The following EPHA6 variants were observed in gnomAD, a reference collection of about 807,000 sequenced individuals.
EPHA6 encodes the protein ephrin type-A receptor 6.
Under a neutral mutation model 112.0 loss-of-function variants are expected in EPHA6, and 50 were observed. The ratio of observed to expected loss-of-function variants is 0.45; its 90% CI spans 0.36 to 0.56. The LOEUF (loss-of-function observed/expected upper bound fraction) is 0.56, where lower values mean the gene tolerates loss of function less well. EPHA6 is among the 20% of genes least tolerant of loss of function. The probability of loss-of-function intolerance (pLI) is 0.00; values close to 1 mark genes in which losing one functional copy is unlikely to be tolerated. For synonymous variants in EPHA6, 529 were observed against 490.7 expected (o/e 1.08, Z -1.03); for missense variants, 1,280 against 1,417.4 (o/e 0.90, Z 1.56).
At chr3:96,883,844 A>AT (rs1289511949) in intron 2 of EPHA6, among the ~76,000 whole-genome samples, 3 of 151,654 alleles carry the variant, frequency 2.0e-5, no homozygotes, top group Middle Eastern at 3.4e-3. Flanking sequence ...ATTTTTTTGT[A>AT]TTTTTTTGGT....
intron 10 of EPHA6, among the ~76,000 whole-genome samples, chr3:97,531,468 C>G (rs2092694144): frequency 1.3e-5 from 2 of 151,938 alleles, no homozygotes; most frequent in Admixed American, 1.3e-4. Flanking sequence ...TTGAATGTCC[C>G]TGCTTCTCTC....
At chr3:96,864,066 G>A (rs1167762834) in intron 1 of EPHA6, among the ~76,000 whole-genome samples, 1 of 151,930 alleles carries the variant, frequency 6.6e-6, no homozygotes, top group Non-Finnish European at 1.5e-5. Flanking sequence ...TAAAAAACTG[G>A]ACAAAACCAA....
At chr3:97,346,291 G>A (rs1452641998) in intron 5 of EPHA6, among the ~76,000 whole-genome samples, 2 of 152,070 alleles carry the variant, frequency 1.3e-5, no homozygotes, top group African/African-American at 2.4e-5. Flanking sequence ...CATTAGCACT[G>A]AAGAAAATAG....
At chr3:97,006,313 C>G (rs1178329897) in intron 3 of EPHA6, among the ~76,000 whole-genome samples, 1 of 152,116 alleles carries the variant, frequency 6.6e-6, no homozygotes. Context: ...TTAGTCTATT[C>G]AGGGATTCAA....
intron 7 of EPHA6, among the ~76,000 whole-genome samples, chr3:97,449,455 T>G (rs1330635637): frequency 6.6e-6 from 1 of 152,132 alleles, no homozygotes; most frequent in East Asian, 1.9e-4. Flanking sequence ...GTTAACATAC[T>G]GTATTAATAT....
intron 3 of EPHA6, among the ~76,000 whole-genome samples, chr3:97,145,621 G>A (rs1441664006): frequency 6.6e-6 from 1 of 150,958 alleles, no homozygotes; most frequent in African/African-American, 2.4e-5. Context: ...ACGGGAAAAT[G>A]TTTTAAATCA....
chr3:97,665,883 C>T (rs2030029314), intron 14 of EPHA6, among the ~76,000 whole-genome samples: 1 of 152,094 alleles, frequency 6.6e-6, no homozygotes, highest in Non-Finnish European at 1.5e-5. Context: ...TAGTGAAACC[C>T]CATCTCTAAG....
At chr3:97,188,561 T>G (rs1576647436) in intron 3 of EPHA6, among the ~76,000 whole-genome samples, 1 of 151,976 alleles carries the variant, frequency 6.6e-6, no homozygotes, top group Non-Finnish European at 1.5e-5. Context: ...TAGAAAGAAA[T>G]AAATACAGCA....
At chr3:97,008,149 C>T (rs1396925503) in intron 3 of EPHA6, among the ~76,000 whole-genome samples, 1 of 152,136 alleles carries the variant, frequency 6.6e-6, no homozygotes, top group African/African-American at 2.4e-5. Flanking sequence ...GCATGTTGGT[C>T]TGTCTTGCTA....
chr3:97,323,099 C>T (rs79181510), intron 5 of EPHA6, among the ~76,000 whole-genome samples: 5,570 of 152,008 alleles, frequency 0.037, 127 homozygotes, highest in Non-Finnish European at 0.052. Context: ...AAATACTCTA[C>T]ACCACATGTC....
intron 5 of EPHA6, among the ~76,000 whole-genome samples, chr3:97,362,439 A>AC (rs1287887085): frequency 6.6e-6 from 1 of 152,036 alleles, no homozygotes; most frequent in Non-Finnish European, 1.5e-5. Context: ...GAGAAAGTTA[A>AC]GGTTTTCATA....
At chr3:97,278,792 G>C (rs2080186737) in intron 5 of EPHA6, among the ~76,000 whole-genome samples, 1 of 152,168 alleles carries the variant, frequency 6.6e-6, no homozygotes, top group Non-Finnish European at 1.5e-5. Context: ...ACCTGATTTA[G>C]GGGTATTGGC....
At chr3:97,139,422 CT>C (rs1433701622) in intron 3 of EPHA6, among the ~76,000 whole-genome samples, 1 of 152,126 alleles carries the variant, frequency 6.6e-6, no homozygotes, top group Non-Finnish European at 1.5e-5. Flanking sequence ...AATATAATTC[CT>C]GCTGACAGAA....
chr3:97,635,838 T>C (rs1360763742), intron 13 of EPHA6, among the ~76,000 whole-genome samples: 2 of 152,112 alleles, frequency 1.3e-5, no homozygotes, highest in Admixed American at 1.3e-4. Context: ...AAAAACAAAT[T>C]GGTGCTTTGT....
At chr3:97,363,790 G>T (rs964428273) in intron 5 of EPHA6, among the ~76,000 whole-genome samples, 1 of 151,752 alleles carries the variant, frequency 6.6e-6, no homozygotes, top group Non-Finnish European at 1.5e-5. Context: ...AAACAAAGGT[G>T]GTATACACAT....
At chr3:97,649,071 C>A (rs1171328283) in intron 14 of EPHA6, among the ~76,000 whole-genome samples, 2 of 152,190 alleles carry the variant, frequency 1.3e-5, no homozygotes, top group East Asian at 1.9e-4. Flanking sequence ...AATCATGAAA[C>A]CAACCGTGTT....
intron 10 of EPHA6, among the ~76,000 whole-genome samples, chr3:97,516,898 TC>T (rs1230124034): frequency 3.3e-5 from 5 of 152,086 alleles, no homozygotes; most frequent in Non-Finnish European, 7.4e-5. Flanking sequence ...TAGGTTGTTT[TC>T]CCCCCTCATT....
chr3:96,934,182 G>T (rs529969771), intron 2 of EPHA6, among the ~76,000 whole-genome samples: 2 of 151,990 alleles, frequency 1.3e-5, no homozygotes, highest in East Asian at 1.9e-4. Context: ...ACAAAGAAGG[G>T]TGTTTATAAA....
chr3:97,132,730 G>A (rs1054476242), intron 3 of EPHA6, among the ~76,000 whole-genome samples: 8 of 151,976 alleles, frequency 5.3e-5, no homozygotes, highest in African/African-American at 1.9e-4. Flanking sequence ...TGAACAAAGG[G>A]ACAATTATAG....
Sources: gnomAD v4.1 joint callset for allele counts (sites outside exome capture counted in the v4.1 genomes callset) on GRCh38, gnomAD v4.1.1 for gene constraint, MANE v1.5 for transcripts, NCBI Gene and HGNC (gene_info 2026-07-23, HGNC 2026-07-21) for gene names.